The following DLG1 variants were observed in gnomAD, a reference collection of about 807,000 sequenced individuals.
DLG1 encodes disks large homolog 1.
A neutral mutation model predicts 123.4 loss-of-function variants in DLG1; 42 were observed. That is an observed-to-expected ratio of 0.34 (90% confidence interval 0.27 to 0.44). DLG1 has a LOEUF of 0.44. Ranked by LOEUF, DLG1 falls within the 20% of genes least tolerant of loss-of-function variation. The pLI, the probability that DLG1 is intolerant of heterozygous loss-of-function variation, is 1.00. For synonymous variants in DLG1, 317 were observed against 356.2 expected (o/e 0.89, Z 1.24); for missense variants, 942 against 1,082.6 (o/e 0.87, Z 1.82).
At chr3:197,094,040 A>G (rs1437474654) in intron 14 of DLG1, among the ~76,000 whole-genome samples, 1 of 152,194 alleles carries the variant, frequency 6.6e-6, no homozygotes, top group East Asian at 1.9e-4. Flanking sequence ...CCATGTAACA[A>G]GACTGTTCTA....
intron 4 of DLG1, among the ~76,000 whole-genome samples, chr3:197,198,949 C>A (rs535799548): frequency 4.2e-4 from 64 of 152,324 alleles, no homozygotes; most frequent in Non-Finnish European, 8.2e-4. Context: ...TATGGAATTT[C>A]TTTCTGGGAT....
intron 4 of DLG1, among the ~76,000 whole-genome samples, chr3:197,207,612 A>C (rs1426074650): frequency 6.6e-6 from 1 of 152,194 alleles, no homozygotes; most frequent in Non-Finnish European, 1.5e-5. Context: ...ATCTTCAACA[A>C]ATTTTAAAAT....
At chr3:197,158,950 C>G (rs1057443744) in intron 5 of DLG1, among the ~76,000 whole-genome samples, 10 of 152,048 alleles carry the variant, frequency 6.6e-5, no homozygotes, top group Non-Finnish European at 1.5e-4. Context: ...AGTATTTACT[C>G]TAGGGTGCAA....
chr3:197,075,317 CAAAAAAAAAAAAA>C (rs58384491), intron 18 of DLG1, among the ~76,000 whole-genome samples: 5,306 of 90,470 alleles, frequency 0.059, 191 homozygotes, highest in South Asian at 0.09. Context: ...ATAACTTTCT[CAAAAAAAAAAAAA>C]AAAAAAAAAA....
chr3:197,060,753 T>C lies in DLG1; in HGVS notation c.2374-755A>G, dbSNP rs139115453. Among the ~76,000 whole-genome samples, 774 of 152,316 alleles carry C rather than the reference T, an allele frequency of 5.1e-3. 10 individuals are homozygous for C. Among genetic ancestry groups the C allele is most frequent in the African/African-American group, 0.018 (739 of 41,568 alleles). On this transcript the variant is annotated intron_variant, in intron 22 of 24. Transcript: ENST00000667157. ...ATGAGCATTTCCATGTTAAGCATAG[T>C]ATTTATTATTTATGACAGATTTTCT...
At chr3:197,147,103 C>T (rs1295032954) in intron 6 of DLG1, among the ~76,000 whole-genome samples, 1 of 151,988 alleles carries the variant, frequency 6.6e-6, no homozygotes, top group Admixed American at 6.6e-5. Context: ...ATTACCTTAC[C>T]CCTGCAAGAA....
At chr3:197,287,186 G>A (rs1480272420) in intron 3 of DLG1, among the ~76,000 whole-genome samples, 1 of 151,970 alleles carries the variant, frequency 6.6e-6, no homozygotes, top group African/African-American at 2.4e-5. Flanking sequence ...GATGGAAAAG[G>A]GAAGTGGGGC....
At chr3:197,258,411 A>G (rs1757786862) in intron 4 of DLG1, among the ~76,000 whole-genome samples, 1 of 129,032 alleles carries the variant, frequency 7.8e-6, no homozygotes, top group Non-Finnish European at 1.6e-5. Context: ...TTCATTGTGA[A>G]GAACATATAG....
intron 4 of DLG1, chr3:197,226,431 G>C (rs1314512136): frequency 6.6e-6 from 1 of 152,226 alleles, no homozygotes; most frequent in East Asian, 1.9e-4. Flanking sequence ...GTTGCAGCAA[G>C]GGATTCATTA....
chr3:197,067,475 T>C (rs1740381382), intron 19 of DLG1, among the ~76,000 whole-genome samples: 1 of 149,912 alleles, frequency 6.7e-6, no homozygotes, highest in Admixed American at 6.6e-5. Flanking sequence ...GGAAATACTC[T>C]AAATAAAAGA....
intron 5 of DLG1, among the ~76,000 whole-genome samples, chr3:197,189,116 G>A (rs888747890): frequency 1.3e-5 from 2 of 152,142 alleles, no homozygotes; most frequent in Non-Finnish European, 1.5e-5. Flanking sequence ...CTTGAGAAAC[G>A]TTCATATTCT....
intron 4 of DLG1, among the ~76,000 whole-genome samples, chr3:197,234,212 C>T (rs1578442976): frequency 6.6e-6 from 1 of 152,184 alleles, no homozygotes; most frequent in Non-Finnish European, 1.5e-5. Flanking sequence ...TTAAGCCTAA[C>T]GATCTTTATT....
At chr3:197,178,192 A>T (rs1319678623) in intron 5 of DLG1, among the ~76,000 whole-genome samples, 1 of 152,204 alleles carries the variant, frequency 6.6e-6, no homozygotes, top group Non-Finnish European at 1.5e-5. Flanking sequence ...AAAAAATATT[A>T]ACGAGAGAAG....
At chr3:197,105,396 C>T (rs1267753029) in intron 13 of DLG1, among the ~76,000 whole-genome samples, 2 of 152,142 alleles carry the variant, frequency 1.3e-5, no homozygotes, top group African/African-American at 4.8e-5. Context: ...ATCCATTTAC[C>T]TCCTGCCACA....
chr3:197,272,875 G>A (rs1208082482), intron 4 of DLG1, among the ~76,000 whole-genome samples: 1 of 152,072 alleles, frequency 6.6e-6, no homozygotes, highest in East Asian at 1.9e-4. Context: ...AGACTTCTGG[G>A]GTACTGGTAT....
chr3:197,290,897 T>TAAAAAAA (rs34807556), intron 3 of DLG1, among the ~76,000 whole-genome samples: 11 of 87,970 alleles, frequency 1.3e-4, no homozygotes, highest in African/African-American at 5.1e-4. Context: ...CTCCAAATAG[T>TAAAAAAA]AAAAAAAAAA....
chr3:197,288,731 A>C (rs1773185799), intron 3 of DLG1, among the ~76,000 whole-genome samples: 1 of 91,952 alleles, frequency 1.1e-5, no homozygotes, highest in African/African-American at 5.9e-5. Context: ...AAAAAAAAAA[A>C]AAAAAAAAAA....
chr3:197,101,788 C>T (rs941523524), intron 14 of DLG1, among the ~76,000 whole-genome samples: 1 of 151,360 alleles, frequency 6.6e-6, no homozygotes, highest in African/African-American at 2.4e-5. Flanking sequence ...TTCCCATGTT[C>T]GATTATTTTT....
intron 13 of DLG1, among the ~76,000 whole-genome samples, chr3:197,109,790 T>C (rs1768776402): frequency 6.6e-6 from 1 of 152,198 alleles, no homozygotes; most frequent in African/African-American, 2.4e-5. Context: ...CAACAAAGTT[T>C]TTTTCTTTTC....
Sources: gnomAD v4.1 joint callset for allele counts (sites outside exome capture counted in the v4.1 genomes callset) on GRCh38, gnomAD v4.1.1 for gene constraint, MANE v1.5 for transcripts, NCBI Gene and HGNC (gene_info 2026-07-23, HGNC 2026-07-21) for gene names.